Variants in PTPRN2 observed in about 807,000 individuals in gnomAD.
The protein encoded by PTPRN2 is receptor-type tyrosine-protein phosphatase N2.
Under a neutral mutation model 118.8 loss-of-function variants are expected in PTPRN2, and 74 were observed. The ratio of observed to expected loss-of-function variants is 0.62; its 90% CI spans 0.52 to 0.76. The LOEUF is 0.76. PTPRN2 is among the 30% of genes least tolerant of loss of function. PTPRN2 has a pLI of 0.00. For synonymous variants in PTPRN2, 641 were observed against 608.0 expected (o/e 1.05, Z -0.80); for missense variants, 1,481 against 1,394.4 (o/e 1.06, Z -0.99).
At chr7:158,074,614 G>A (rs569003893) in intron 11 of PTPRN2, among the ~76,000 whole-genome samples, 2 of 152,264 alleles carry the variant, frequency 1.3e-5, no homozygotes, top group African/African-American at 2.4e-5. Context: ...TAGACGTGCC[G>A]ACGTGGCTCC....
intron 3 of PTPRN2, among the ~76,000 whole-genome samples, chr7:158,262,692 A>C (rs1797544894): frequency 6.6e-6 from 1 of 150,546 alleles, no homozygotes; most frequent in Non-Finnish European, 1.5e-5. Flanking sequence ...ACACACATTC[A>C]CACACACTGC....
intron 14 of PTPRN2, among the ~76,000 whole-genome samples, chr7:157,625,437 G>A (rs560219932): frequency 2.7e-4 from 41 of 152,236 alleles, no homozygotes; most frequent in African/African-American, 9.2e-4. Flanking sequence ...GCAGTGACCC[G>A]GATGAGACTG....
At chr7:158,355,228 A>T (rs543774566) in intron 2 of PTPRN2, among the ~76,000 whole-genome samples, 10 of 152,212 alleles carry the variant, frequency 6.6e-5, no homozygotes, top group Non-Finnish European at 1.3e-4. Flanking sequence ...AAGAGGGCAG[A>T]TTCTCATTCC....
At chr7:158,367,690 T>G (rs1186650062) in intron 2 of PTPRN2, among the ~76,000 whole-genome samples, 1 of 152,130 alleles carries the variant, frequency 6.6e-6, no homozygotes, top group Non-Finnish European at 1.5e-5. Flanking sequence ...AATGTTAGTT[T>G]TTTTCCAGAG....
chr7:158,159,105 C>A (rs1218656319), intron 6 of PTPRN2, among the ~76,000 whole-genome samples: 2 of 36,092 alleles, frequency 5.5e-5, no homozygotes, highest in Non-Finnish European at 1.0e-4. Flanking sequence ...GAATCAGGAG[C>A]CCGTGTGATT....
chr7:157,840,622 G>C (rs553374811), intron 12 of PTPRN2, among the ~76,000 whole-genome samples: 3 of 152,208 alleles, frequency 2.0e-5, no homozygotes, highest in African/African-American at 4.8e-5. Flanking sequence ...CCCCGTGTTG[G>C]GGGGAAGTTG....
intron 1 of PTPRN2, among the ~76,000 whole-genome samples, chr7:158,507,762 A>G (rs796800213): frequency 1.6e-4 from 25 of 151,776 alleles, no homozygotes; most frequent in African/African-American, 6.1e-4. Context: ...AGGAAATTGC[A>G]CACACAGAGG....
At chr7:158,006,637 C>A (rs1247701715) in intron 11 of PTPRN2, among the ~76,000 whole-genome samples, 1 of 152,202 alleles carries the variant, frequency 6.6e-6, no homozygotes, top group East Asian at 1.9e-4. Context: ...AGGGCCATCC[C>A]ACCCCTATGG....
At chr7:158,374,802 T>C (rs7811846) in intron 2 of PTPRN2, among the ~76,000 whole-genome samples, 133,667 of 152,188 alleles carry the variant, frequency 0.88, 59,042 homozygotes, top group East Asian at 0.99. Flanking sequence ...GGCGGGGATG[T>C]GGTTTCATGG....
At chr7:158,411,688 T>C (rs892767144) in intron 2 of PTPRN2, among the ~76,000 whole-genome samples, 1 of 152,172 alleles carries the variant, frequency 6.6e-6, no homozygotes, top group East Asian at 1.9e-4. Context: ...CCAACGCCAA[T>C]GGAGGTGGAA....
intron 17 of PTPRN2, among the ~76,000 whole-genome samples, chr7:157,580,697 C>T (rs1311006761): frequency 7.4e-6 from 1 of 134,348 alleles, no homozygotes. Flanking sequence ...AGCACCTGGA[C>T]ACCCGAGCCC....
At chr7:158,169,243 G>T (rs1382597269) in intron 5 of PTPRN2, among the ~76,000 whole-genome samples, 1 of 152,082 alleles carries the variant, frequency 6.6e-6, no homozygotes, top group Non-Finnish European at 1.5e-5. Context: ...GGGTTGTTTG[G>T]TTTTTCTGGG....
chr7:158,448,651 C>G (rs1439507099), intron 2 of PTPRN2, among the ~76,000 whole-genome samples: 1 of 152,224 alleles, frequency 6.6e-6, no homozygotes, highest in African/African-American at 2.4e-5. Context: ...GGGGCAGTCC[C>G]ACCTTAAGGT....
At chr7:157,749,153 G>T (rs1224087742) in intron 12 of PTPRN2, among the ~76,000 whole-genome samples, 1 of 25,350 alleles carries the variant, frequency 3.9e-5, no homozygotes. Context: ...GCTGTGGGCT[G>T]TTGAGGTGAT....
chr7:158,264,887 T>C (rs1199142029), intron 3 of PTPRN2, among the ~76,000 whole-genome samples: 1 of 152,154 alleles, frequency 6.6e-6, no homozygotes. Flanking sequence ...AGCTGTCCCA[T>C]GGAGTTTTGG....
intron 2 of PTPRN2, among the ~76,000 whole-genome samples, chr7:158,372,014 C>T (rs929607453): frequency 1.3e-5 from 2 of 152,184 alleles, no homozygotes; most frequent in African/African-American, 4.8e-5. Context: ...TGCCATCAGC[C>T]CTCCTGGGCG....
intron 5 of PTPRN2, among the ~76,000 whole-genome samples, chr7:158,173,255 A>G (rs1174305183): frequency 6.6e-6 from 1 of 152,222 alleles, no homozygotes; most frequent in Admixed American, 6.5e-5. Flanking sequence ...CCAGCCCCCA[A>G]TATTTCAACA....
chr7:158,369,859 C>A (rs1381434012), intron 2 of PTPRN2, among the ~76,000 whole-genome samples: 1 of 152,102 alleles, frequency 6.6e-6, no homozygotes, highest in Non-Finnish European at 1.5e-5. Context: ...AAAATGACAA[C>A]CATAAAAAGC....
At chr7:158,406,461 T>G (rs911339685) in intron 2 of PTPRN2, among the ~76,000 whole-genome samples, 42 of 151,700 alleles carry the variant, frequency 2.8e-4, no homozygotes, top group African/African-American at 1.0e-3. Context: ...GAGATCCCGG[T>G]GGCTCATCCA....
Sources: allele counts gnomAD v4.1 joint callset (sites outside exome capture counted in the v4.1 genomes callset), GRCh38; gene constraint gnomAD v4.1.1; transcripts MANE v1.5; gene names NCBI Gene and HGNC (gene_info 2026-07-23, HGNC 2026-07-21).